Variants in ADARB2 observed in about 807,000 individuals in gnomAD.
ADARB2 encodes inactive double-stranded RNA-specific editase B2.
ADARB2 carries 25 observed loss-of-function variants against 62.2 expected under a neutral mutation model. The observed-to-expected ratio is 0.40, with a 90% CI of 0.29 to 0.56. The LOEUF (loss-of-function observed/expected upper bound fraction) is 0.56, where lower values mean the gene tolerates loss of function less well. ADARB2 is among the 20% of genes least tolerant of loss of function. The pLI, the probability that ADARB2 is intolerant of heterozygous loss-of-function variation, is 0.43. For synonymous variants in ADARB2, 572 were observed against 500.8 expected, an observed-to-expected ratio of 1.14 and a Z score of -1.90; for missense variants, 1,071 against 1,077.4, an observed-to-expected ratio of 0.99 and a Z score of 0.08.
intron 3 of ADARB2, among the ~76,000 whole-genome samples, chr10:1,326,027 G>C (rs2131829710): frequency 6.6e-6 from 1 of 152,346 alleles, no homozygotes; most frequent in African/African-American, 2.4e-5. Context: ...GAATCGAAGA[G>C]AGAAGGCAAT....
chr10:1,228,775 C>T (rs1288006877), intron 6 of ADARB2, among the ~76,000 whole-genome samples: 3 of 152,294 alleles, frequency 2.0e-5, no homozygotes, highest in Admixed American at 1.3e-4. Flanking sequence ...CCTGTGATGC[C>T]ACAGAGCGGG....
intron 1 of ADARB2, among the ~76,000 whole-genome samples, chr10:1,389,077 C>T (rs1455945036): frequency 6.6e-6 from 1 of 152,052 alleles, no homozygotes; most frequent in East Asian, 1.9e-4. Context: ...TTCTAAGAAA[C>T]TAGACAACAT....
intron 4 of ADARB2, among the ~76,000 whole-genome samples, chr10:1,260,146 G>A (rs529146477): frequency 1.2e-4 from 19 of 152,220 alleles, no homozygotes; most frequent in East Asian, 3.9e-4. Context: ...TTGATGGGAC[G>A]TATCTGAAAA....
chr10:1,627,499 T>C (rs553769725), intron 1 of ADARB2, among the ~76,000 whole-genome samples: 2 of 152,326 alleles, frequency 1.3e-5, no homozygotes, highest in East Asian at 3.9e-4. Flanking sequence ...ATCTCAGTCC[T>C]TGCACAGACC....
rs146889599 is a variant in ADARB2, at chr10:1,356,070, C to A, written c.1077+6958G>T. 8.4e-4 allele frequency among the ~76,000 whole-genome samples: 127 copies of A among 151,866 alleles called. 2 individuals carry two copies. The highest frequency in any genetic ancestry group is 3.0e-3 in the African/African-American group (125 of 41,454). ...AAGGATTTTCTGAAAGTTTTTTTTTCCATGTGTAATGACAATGAGTGACCT... is the reference window on the plus strand; with the variant it reads ...AAGGATTTTCTGAAAGTTTTTTTTTACATGTGTAATGACAATGAGTGACCT... On this transcript the variant is annotated intron_variant, in intron 3 of 9. Transcript: ENST00000381312.
intron 6 of ADARB2, among the ~76,000 whole-genome samples, chr10:1,227,309 CCTTT>C (rs1235365476): frequency 3.3e-5 from 5 of 152,196 alleles, no homozygotes; most frequent in African/African-American, 1.2e-4. Flanking sequence ...GTCTGTCACC[CCTTT>C]CTTTGACTAG....
chr10:1,600,309 G>C (rs1029464285), intron 1 of ADARB2, among the ~76,000 whole-genome samples: 1 of 152,070 alleles, frequency 6.6e-6, no homozygotes, highest in Non-Finnish European at 1.5e-5. Context: ...GAAACTGCTG[G>C]CCTTCATTGC....
Position 1,327,984 on chromosome 10 carries a change from C to T in ADARB2, c.1077+35044G>A, listed in dbSNP as rs532745116. On this transcript the variant is annotated intron_variant, in intron 3 of 9. Coordinates refer to ENST00000381312, the MANE Select transcript of ADARB2 (RefSeq NM_018702.4). ...ACCAGTACTCAGCGCCTCCTCACAG[C>T]GCCTCCCCACAGCAAGGCGCCTCCG... Among the ~76,000 whole-genome samples the T allele has an allele frequency of 6.8e-3, 1,039 of 152,170 alleles. 18 individuals are homozygous for T. The highest frequency in any genetic ancestry group is 0.023 in the African/African-American group (945 of 41,534).
chr10:1,300,323 C>G (rs1008849654), intron 3 of ADARB2, among the ~76,000 whole-genome samples: 3 of 152,072 alleles, frequency 2.0e-5, no homozygotes, highest in Non-Finnish European at 4.4e-5. Flanking sequence ...TCTTCCACAT[C>G]CCCTCCTGTT....
intron 1 of ADARB2, among the ~76,000 whole-genome samples, chr10:1,658,752 C>A (rs573548544): frequency 2.4e-4 from 36 of 152,374 alleles, no homozygotes; most frequent in African/African-American, 8.7e-4. Context: ...GTCGTCAAGA[C>A]TTTGAAGCAA....
At chr10:1,327,638 C>T in intron 3 of ADARB2, among the ~76,000 whole-genome samples, 1 of 119,608 alleles carries the variant, frequency 8.4e-6, no homozygotes, top group South Asian at 2.5e-4. Context: ...CGGCACAGCG[C>T]CTCCTCACTG....
chr10:1,722,260 T>A (rs1835102365), intron 1 of ADARB2, among the ~76,000 whole-genome samples: 1 of 152,250 alleles, frequency 6.6e-6, no homozygotes, highest in South Asian at 2.1e-4. Context: ...TCAAATGTCC[T>A]GGCTATTATT....
At chr10:1,489,695 G>A (rs766593755) in intron 1 of ADARB2, among the ~76,000 whole-genome samples, 9 of 152,212 alleles carry the variant, frequency 5.9e-5, no homozygotes, top group Non-Finnish European at 8.8e-5. Context: ...CTTTAGGTAA[G>A]ACGAACTCTG....
At chr10:1,260,378 G>A (rs368985743) in intron 4 of ADARB2, among the ~76,000 whole-genome samples, 28 of 151,790 alleles carry the variant, frequency 1.8e-4, no homozygotes, top group Admixed American at 3.9e-4. Context: ...GTTTGCAGAC[G>A]ACATGATTGT....
intron 1 of ADARB2, among the ~76,000 whole-genome samples, chr10:1,416,840 C>T (rs996574703): frequency 2.6e-5 from 4 of 152,236 alleles, no homozygotes; most frequent in Admixed American, 6.5e-5. Flanking sequence ...ACATTGGCAG[C>T]GCCCAGCTTG....
chr10:1,714,864 T>G (rs151307959), intron 1 of ADARB2, among the ~76,000 whole-genome samples: 1,849 of 152,284 alleles, frequency 0.012, 90 homozygotes, highest in Admixed American at 0.089. Context: ...TTTTTAAAAT[T>G]ATTATACTTT....
intron 1 of ADARB2, chr10:1,535,019 G>A (rs994412525): frequency 6.0e-6 from 1 of 167,220 alleles, no homozygotes; most frequent in Admixed American, 6.5e-5. Flanking sequence ...CGAGCCACCA[G>A]GGACGGGGTG....
At chr10:1,391,102 C>T (rs962857570) in intron 1 of ADARB2, among the ~76,000 whole-genome samples, 1 of 152,178 alleles carries the variant, frequency 6.6e-6, no homozygotes, top group Non-Finnish European at 1.5e-5. Flanking sequence ...CTGTTCTTTT[C>T]AGCCTGCCCA....
intron 1 of ADARB2, among the ~76,000 whole-genome samples, chr10:1,411,194 A>G (rs1486448950): frequency 6.6e-6 from 1 of 152,074 alleles, no homozygotes; most frequent in East Asian, 1.9e-4. Flanking sequence ...GTGGGCCTAG[A>G]GAATCTCAGG....
Sources: gnomAD v4.1 joint callset for allele counts (sites outside exome capture counted in the v4.1 genomes callset) on GRCh38, gnomAD v4.1.1 for gene constraint, MANE v1.5 for transcripts, NCBI Gene and HGNC (gene_info 2026-07-23, HGNC 2026-07-21) for gene names.